Variants in LOC400499 observed in about 807,000 individuals in gnomAD.
At chr16:11,448,011 G>T in the LOC400499 span, 1 of 1,535,998 alleles carries the variant, frequency 6.5e-7, no homozygotes, top group Non-Finnish European at 8.7e-7. Flanking sequence ...CCAACTGCAG[G>T]CCCCGAGGCT....
the LOC400499 span, chr16:11,462,367 C>G: frequency 1.4e-6 from 2 of 1,404,074 alleles, no homozygotes; most frequent in Admixed American, 3.2e-5. Context: ...CCTTACCACA[C>G]GAACTGGGAC....
chr16:11,386,589 A>G, the LOC400499 span, among the ~76,000 whole-genome samples: 1 of 152,210 alleles, frequency 6.6e-6, no homozygotes, highest in Non-Finnish European at 1.5e-5. Flanking sequence ...CAAGAACAGT[A>G]CATGCCCATT....
the LOC400499 span, chr16:11,494,894 T>G: frequency 2.5e-6 from 1 of 397,444 alleles, no homozygotes; most frequent in African/African-American, 2.1e-5. Context: ...AACAAATTGC[T>G]CTTTTCAGGG....
the LOC400499 span, chr16:11,515,953 A>G: frequency 2.5e-6 from 1 of 393,868 alleles, no homozygotes; most frequent in African/African-American, 2.1e-5. Flanking sequence ...GGGCCTGAGA[A>G]TGGAGTGATG....
At chr16:11,410,369 G>A in the LOC400499 span, among the ~76,000 whole-genome samples, 7 of 152,234 alleles carry the variant, frequency 4.6e-5, no homozygotes, top group South Asian at 4.1e-4. Context: ...CAGGAGAATC[G>A]CTTGAACCGG....
chr16:11,388,403 C>G, the LOC400499 span, among the ~76,000 whole-genome samples: 1 of 152,128 alleles, frequency 6.6e-6, no homozygotes, highest in South Asian at 2.1e-4. Context: ...TATTTTATGG[C>G]TGGGGAAACT....
the LOC400499 span, chr16:11,417,903 G>C: frequency 2.5e-6 from 1 of 398,272 alleles, no homozygotes; most frequent in Non-Finnish European, 4.4e-6. Flanking sequence ...GGGTCAAGCT[G>C]GCACTGGCTC....
At chr16:11,393,952 CTTTT>C in the LOC400499 span, among the ~76,000 whole-genome samples, 2 of 152,168 alleles carry the variant, frequency 1.3e-5, no homozygotes, top group African/African-American at 2.4e-5. Context: ...ATGACAAATA[CTTTT>C]TTTAATTTTT....
At chr16:11,413,098 C>G in the LOC400499 span, 1 of 396,192 alleles carries the variant, frequency 2.5e-6, no homozygotes, top group Non-Finnish European at 4.5e-6. Context: ...AACACTCTCA[C>G]AGGTGCTGAG....
chr16:11,520,406 C>T, the LOC400499 span, among the ~76,000 whole-genome samples: 1 of 152,140 alleles, frequency 6.6e-6, no homozygotes, highest in Non-Finnish European at 1.5e-5. Flanking sequence ...CCTGTAATCC[C>T]AGCACTTTGG....
the LOC400499 span, among the ~76,000 whole-genome samples, chr16:11,486,410 AGATGGATGGATG>A: frequency 2.2e-4 from 18 of 83,012 alleles, no homozygotes; most frequent in East Asian, 1.0e-3. Flanking sequence ...TTGAGTGAAT[AGATGGATGGATG>A]GATGGATGGA....
the LOC400499 span, among the ~76,000 whole-genome samples, chr16:11,420,142 C>T: frequency 6.7e-6 from 1 of 150,332 alleles, no homozygotes; most frequent in Admixed American, 6.6e-5. Flanking sequence ...GACACATGCA[C>T]ACGTATGTTT....
the LOC400499 span, chr16:11,493,837 T>TG: frequency 1.1e-5 from 2 of 180,408 alleles, no homozygotes; most frequent in Admixed American, 1.0e-4. Context: ...GGCAGTGGCG[T>TG]GGGGGGCGGG....
At chr16:11,403,588 G>A in the LOC400499 span, among the ~76,000 whole-genome samples, 1 of 152,188 alleles carries the variant, frequency 6.6e-6, no homozygotes, top group African/African-American at 2.4e-5. Flanking sequence ...TGTGACGCTG[G>A]GAGGATTCCA....
chr16:11,396,458 G>C, the LOC400499 span: 3 of 1,230,720 alleles, frequency 2.4e-6, no homozygotes, highest in South Asian at 1.2e-4. Flanking sequence ...AGGAACCGCA[G>C]GGATGCCGGG....
chr16:11,480,285 G>A, the LOC400499 span, among the ~76,000 whole-genome samples: 329 of 152,260 alleles, frequency 2.2e-3, 1 homozygote, highest in Non-Finnish European at 1.8e-3. Context: ...TATATCTAGC[G>A]GACCTCCCTC....
the LOC400499 span, among the ~76,000 whole-genome samples, chr16:11,505,636 G>C: frequency 1.3e-5 from 2 of 151,010 alleles, no homozygotes; most frequent in African/African-American, 4.9e-5. Context: ...TGTAGAGATG[G>C]GCTCTCTCCC....
the LOC400499 span, among the ~76,000 whole-genome samples, chr16:11,454,071 T>C: frequency 6.6e-6 from 1 of 152,218 alleles, no homozygotes; most frequent in African/African-American, 2.4e-5. Context: ...CCAACAGGAC[T>C]AAGACGAGCT....
chr16:11,460,580 C>T, the LOC400499 span: 2 of 1,535,136 alleles, frequency 1.3e-6, no homozygotes, highest in East Asian at 4.9e-5. Flanking sequence ...CTGGCTGGTG[C>T]TGCACTCGTG....
Sources: allele counts gnomAD v4.1 joint callset (sites outside exome capture counted in the v4.1 genomes callset), GRCh38; gene constraint gnomAD v4.1.1; transcripts MANE v1.5.